The following TRPC5 variants were observed in gnomAD, a reference collection of about 807,000 sequenced individuals.
TRPC5 encodes short transient receptor potential channel 5.
In TRPC5, 9 loss-of-function variants were observed where a neutral mutation model predicts 56.5. The observed-to-expected ratio is 0.16, with a 90% CI of 0.10 to 0.28. The LOEUF (loss-of-function observed/expected upper bound fraction) is 0.28, where lower values mean the gene tolerates loss of function less well. Among genes scored for constraint, TRPC5 ranks in the 10% least tolerant of loss-of-function variants. The pLI is 1.00. For synonymous variants in TRPC5, 282 were observed against 278.5 expected (o/e 1.01, Z -0.13); for missense variants, 469 against 748.9 (o/e 0.63, Z 4.36).
intron 1 of TRPC5, among the ~76,000 whole-genome samples, chrX:112,053,460 T>C (rs1366941040): frequency 1.8e-5 from 2 of 111,834 alleles, no homozygotes; most frequent in African/African-American, 6.5e-5. Flanking sequence ...TGGTCTGTAG[T>C]TAGTGTTAAT....
chrX:111,856,458 G>C (rs1053779398), intron 3 of TRPC5, among the ~76,000 whole-genome samples: 1 of 107,697 alleles, frequency 9.3e-6, no homozygotes, highest in Admixed American at 1.0e-4. Flanking sequence ...AGAATCGCTT[G>C]AACCCAGGAG....
chrX:111,958,255 C>T (rs1927286448), intron 1 of TRPC5, among the ~76,000 whole-genome samples: 1 of 112,103 alleles, frequency 8.9e-6, no homozygotes, highest in African/African-American at 3.2e-5. Context: ...TCAAGCCCCA[C>T]ACATGTCATT....
intron 3 of TRPC5, chrX:111,875,933 A>T (rs1481537152): frequency 9.2e-6 from 1 of 108,667 alleles, no homozygotes; most frequent in Non-Finnish European, 1.9e-5. Flanking sequence ...TGTGTTTCTG[A>T]CTGGGAAGTA....
At chrX:111,818,251 A>G (rs952993732) in intron 7 of TRPC5, among the ~76,000 whole-genome samples, 2 of 112,347 alleles carry the variant, frequency 1.8e-5, no homozygotes, top group African/African-American at 6.5e-5. Flanking sequence ...ATTTTCATCC[A>G]TCAGTTCGTA....
intron 1 of TRPC5, among the ~76,000 whole-genome samples, chrX:112,074,282 T>C (rs927066055): frequency 9.4e-6 from 1 of 106,283 alleles, no homozygotes; most frequent in Non-Finnish European, 1.9e-5. Context: ...CTGTTTATCA[T>C]CTTTATTTTT....
intron 2 of TRPC5, among the ~76,000 whole-genome samples, chrX:111,928,939 A>T (rs1234123471): frequency 8.9e-6 from 1 of 112,178 alleles, no homozygotes; most frequent in East Asian, 2.8e-4. Flanking sequence ...TCAGAGCTTC[A>T]AAGCAGTCTT....
At chrX:112,070,512 A>AGG (rs1444365186) in intron 1 of TRPC5, among the ~76,000 whole-genome samples, 2 of 111,385 alleles carry the variant, frequency 1.8e-5, no homozygotes, top group Admixed American at 1.9e-4. Flanking sequence ...TAGAGGAAAG[A>AGG]GTCTTTGAGA....
At chrX:111,837,709 T>TAGA (rs1922604741) in intron 6 of TRPC5, among the ~76,000 whole-genome samples, 1 of 110,794 alleles carries the variant, frequency 9.0e-6, no homozygotes, top group South Asian at 3.8e-4. Context: ...TGCTTGAGGA[T>TAGA]AGAGTTTATT....
chrX:111,778,548 C>T (rs1945896250), intron 10 of TRPC5, among the ~76,000 whole-genome samples: 1 of 111,565 alleles, frequency 9.0e-6, no homozygotes. Context: ...GCTAATGCCA[C>T]TAGTATAATT....
At chrX:112,078,863 G>A (rs186805074) in intron 1 of TRPC5, among the ~76,000 whole-genome samples, 1 of 111,833 alleles carries the variant, frequency 8.9e-6, no homozygotes, top group African/African-American at 3.2e-5. Flanking sequence ...AGTTTGAGGG[G>A]CCCATCAACA....
chrX:111,932,770 A>G, intron 2 of TRPC5, among the ~76,000 whole-genome samples: 1 of 111,951 alleles, frequency 8.9e-6, no homozygotes, highest in Non-Finnish European at 1.9e-5. Flanking sequence ...CAACCCAGCT[A>G]TTTGTGATCA....
chrX:111,962,834 T>C (rs746533310), intron 1 of TRPC5, among the ~76,000 whole-genome samples: 60 of 111,745 alleles, frequency 5.4e-4, no homozygotes, highest in Non-Finnish European at 9.8e-4. Context: ...TTTTAAGAAA[T>C]TGCCGGGGGT....
chrX:111,804,691 C>T (rs1212381742), intron 7 of TRPC5, among the ~76,000 whole-genome samples: 1 of 111,638 alleles, frequency 9.0e-6, no homozygotes, highest in Non-Finnish European at 1.9e-5. Context: ...GTGATTTTTG[C>T]ACATTGATTT....
chrX:111,944,761 T>G (rs191545943), intron 2 of TRPC5, among the ~76,000 whole-genome samples: 1 of 110,818 alleles, frequency 9.0e-6, no homozygotes, highest in East Asian at 2.9e-4. Flanking sequence ...AGGCAGAGAT[T>G]GTAGTGATGC....
At chrX:111,825,207 C>A (rs1922180996) in intron 7 of TRPC5, among the ~76,000 whole-genome samples, 2 of 59,292 alleles carry the variant, frequency 3.4e-5, no homozygotes, top group African/African-American at 1.1e-4. Flanking sequence ...TTCTTTCTTT[C>A]TTTCTTTCTT....
intron 7 of TRPC5, among the ~76,000 whole-genome samples, chrX:111,787,627 G>A (rs1406144266): frequency 9.2e-6 from 1 of 109,271 alleles, no homozygotes; most frequent in African/African-American, 3.3e-5. Flanking sequence ...TCCAGAAGCT[G>A]GTTTTTTGAA....
chrX:111,813,721 G>A (rs1921779154), intron 7 of TRPC5, among the ~76,000 whole-genome samples: 2 of 112,347 alleles, frequency 1.8e-5, no homozygotes, highest in African/African-American at 6.5e-5. Flanking sequence ...AGGAATCTTA[G>A]GCCCCATGGG....
chrX:111,809,677 G>A (rs963897110), intron 7 of TRPC5, among the ~76,000 whole-genome samples: 2 of 110,817 alleles, frequency 1.8e-5, no homozygotes, highest in African/African-American at 6.6e-5. Flanking sequence ...GGTGCTTTAC[G>A]GTGTGTGTAG....
At chrX:111,973,831 A>C (rs2148649598) in intron 1 of TRPC5, among the ~76,000 whole-genome samples, 1 of 112,122 alleles carries the variant, frequency 8.9e-6, no homozygotes, top group African/African-American at 3.2e-5. Context: ...TATGCTCCTG[A>C]GGTTATTTAT....
Sources: gnomAD v4.1 joint callset for allele counts (sites outside exome capture counted in the v4.1 genomes callset) on GRCh38, gnomAD v4.1.1 for gene constraint, MANE v1.5 for transcripts, NCBI Gene and HGNC (gene_info 2026-07-23, HGNC 2026-07-21) for gene names.